Variants in CACNA1E observed in about 807,000 individuals in gnomAD.
The protein encoded by CACNA1E is voltage-dependent R-type calcium channel subunit alpha-1E.
In CACNA1E, 40 loss-of-function variants were observed where a neutral mutation model predicts 259.2. The observed-to-expected ratio is 0.15, with a 90% confidence interval of 0.12 to 0.20. The LOEUF (loss-of-function observed/expected upper bound fraction) is 0.20. Among genes scored for constraint, CACNA1E ranks in the 10% least tolerant of loss-of-function variants. The pLI is 1.00. For synonymous variants in CACNA1E, 1,104 were observed against 1,138.5 expected (o/e 0.97, Z 0.61); for missense variants, 1,874 against 3,040.1 (o/e 0.62, Z 9.02).
intron 6 of CACNA1E, among the ~76,000 whole-genome samples, chr1:181,605,613 A>G (rs540961554): frequency 2.6e-5 from 4 of 152,322 alleles, no homozygotes; most frequent in Admixed American, 2.6e-4. Flanking sequence ...GGGAGCAAGC[A>G]CAAATCGTAT....
intron 2 of CACNA1E, among the ~76,000 whole-genome samples, chr1:181,436,124 A>G (rs1248189701): frequency 6.6e-6 from 1 of 152,264 alleles, no homozygotes; most frequent in Non-Finnish European, 1.5e-5. Flanking sequence ...AAGATGCTCA[A>G]CATCACTAAT....
intron 7 of CACNA1E, among the ~76,000 whole-genome samples, chr1:181,654,700 T>C (rs1659045072): frequency 6.6e-6 from 1 of 152,150 alleles, no homozygotes; most frequent in African/African-American, 2.4e-5. Context: ...ATAAGATATC[T>C]TGGGCGGGGC....
chr1:181,617,277 G>A (rs1026674593), intron 6 of CACNA1E, among the ~76,000 whole-genome samples: 1 of 149,586 alleles, frequency 6.7e-6, no homozygotes, highest in East Asian at 1.9e-4. Context: ...TTTCTTATGA[G>A]CAGCATTTTT....
chr1:181,764,135 T>C (rs1658823979), intron 34 of CACNA1E, among the ~76,000 whole-genome samples: 3 of 152,198 alleles, frequency 2.0e-5, no homozygotes, highest in Admixed American at 1.3e-4. Context: ...CTGCACAGTC[T>C]CGTGGAGCTG....
rs117613682 is a variant in CACNA1E at position 181,617,485 on chromosome 1, C to T, written c.952-33853C>T. On this transcript the variant is annotated intron_variant, in intron 6 of 47. Coordinates refer to ENST00000367573, the MANE Select transcript of CACNA1E (RefSeq NM_001205293.3). ...TGAGTTTGTCCTGCAACAAGTGAAT[C>T]GGTGCAACTCCCTTGAGGACTTTTG... 7.6e-4 allele frequency among the ~76,000 whole-genome samples: 116 copies of T among 152,252 alleles called. No homozygotes were observed. In the East Asian group the frequency reaches 0.016, roughly 22 times the overall value.
intron 2 of CACNA1E, among the ~76,000 whole-genome samples, chr1:181,474,042 T>C (rs773876786): frequency 4.6e-5 from 7 of 152,206 alleles, no homozygotes; most frequent in South Asian, 2.1e-4. Flanking sequence ...GCATCACCTA[T>C]ACTTTTCTTT....
At chr1:181,574,594 A>G (rs1650758446) in intron 3 of CACNA1E, among the ~76,000 whole-genome samples, 1 of 152,232 alleles carries the variant, frequency 6.6e-6, no homozygotes. Context: ...TGCCTCCATT[A>G]GAAGTGTTTC....
Position 181,733,512 on chromosome 1 carries a change from G to A in CACNA1E, c.3024G>A (p.Leu1008=), listed in dbSNP as rs1185786303. ...ATGAGGCTGACACCCCCCTAGTCCTGCCCCATCCTGAGCTGGAAGTGGGGA... is the reference window on the plus strand; with the variant it reads ...ATGAGGCTGACACCCCCCTAGTCCTACCCCATCCTGAGCTGGAAGTGGGGA... The part of the protein sequence containing the change: ...GLDEADTPLV[L]PHPELEVGKH... Residue 1008 remains leucine, a synonymous_variant, in exon 21 of 48, where the codon CTG becomes CTA. Coordinates refer to ENST00000367573, the MANE Select transcript of CACNA1E (RefSeq NM_001205293.3). The A allele has an allele frequency of 6.2e-7, 1 of 1,607,878 alleles. No homozygotes were observed. The highest frequency in any genetic ancestry group is 8.5e-7 in the Non-Finnish European group (1 of 1,176,634).
rs763180598 is a variant in CACNA1E at position 181,483,767 on chromosome 1, T to C, written c.23T>C (p.Val8Ala). 27 of 1,608,988 alleles carry C rather than the reference T, an allele frequency of 1.7e-5. No homozygotes were observed. In the South Asian group the frequency reaches 2.9e-4, roughly 17 times the overall value. Reference sequence around the variant, plus strand: ...AGGATGGCTCGCTTCGGGGAGGCGGTGGTCGCCAGGCCAGGGTCCGGCGAT... The same window carrying C: ...AGGATGGCTCGCTTCGGGGAGGCGGCGGTCGCCAGGCCAGGGTCCGGCGAT... MARFGEA[V>A]VARPGSGDGD... Residue 8 changes from valine to alanine, a missense_variant, in exon 1 of 48, where the codon GTG (valine) becomes GCG (alanine). Physicochemically the swap from Val to Ala is moderately conservative, Grantham distance 64. Transcript: ENST00000367573.
chr1:181,724,432 G>T (rs761383425), intron 16 of CACNA1E, 38 bp from the exon 17 acceptor site: 1 of 1,574,132 alleles, frequency 6.4e-7, no homozygotes, highest in Admixed American at 1.7e-5. Context: ...GAAGACTTTT[G>T]CTTTTCTTAT....
At chr1:181,505,576 G>A (rs368845181) in intron 1 of CACNA1E, among the ~76,000 whole-genome samples, 6 of 151,972 alleles carry the variant, frequency 3.9e-5, no homozygotes, top group South Asian at 2.1e-4. Context: ...GGGTTTCACC[G>A]TGTTAGCCAG....
intron 1 of CACNA1E, among the ~76,000 whole-genome samples, chr1:181,495,315 A>G (rs1287657794): frequency 6.6e-6 from 1 of 152,228 alleles, no homozygotes; most frequent in Non-Finnish European, 1.5e-5. Context: ...TTCAAATCTC[A>G]GTATCACCTC....
chr1:181,702,699 C>T lies in CACNA1E; in HGVS notation c.1056-8255C>T, dbSNP rs567464528. Among the ~76,000 whole-genome samples, 64 of 152,244 alleles carry T rather than the reference C, an allele frequency of 4.2e-4. 1 individual carries two copies. The highest frequency in any genetic ancestry group is 1.5e-3 in the African/African-American group (64 of 41,552). ...TGCCCCACAGCTTTGCCCTGGTCATCACCTCTGCCTGGAATCCTCCTCCCC... is the reference window on the plus strand; with the variant it reads ...TGCCCCACAGCTTTGCCCTGGTCATTACCTCTGCCTGGAATCCTCCTCCCC... On this transcript the variant is annotated intron_variant, in intron 7 of 47. Transcript: ENST00000367573.
At chr1:181,619,473 A>C (rs1047281977) in intron 6 of CACNA1E, among the ~76,000 whole-genome samples, 1 of 152,172 alleles carries the variant, frequency 6.6e-6, no homozygotes, top group African/African-American at 2.4e-5. Flanking sequence ...TGAGACTTTG[A>C]CTTTAACTTG....
intron 3 of CACNA1E, among the ~76,000 whole-genome samples, chr1:181,545,075 G>A (rs991551897): frequency 6.6e-6 from 1 of 152,014 alleles, no homozygotes; most frequent in Non-Finnish European, 1.5e-5. Flanking sequence ...GTGGCTCATG[G>A]ACCACGGTAA....
intron 25 of CACNA1E, among the ~76,000 whole-genome samples, chr1:181,741,785 C>A (rs1198508529): frequency 6.6e-6 from 1 of 152,158 alleles, no homozygotes; most frequent in Non-Finnish European, 1.5e-5. Context: ...GCGCTGGTGG[C>A]AGGGGAAGCC....
At chr1:181,714,644 A>T (rs1162764934) in intron 8 of CACNA1E, among the ~76,000 whole-genome samples, 1 of 152,164 alleles carries the variant, frequency 6.6e-6, no homozygotes, top group East Asian at 1.9e-4. Context: ...CTCCTCCATG[A>T]GTCATTTCAT....
chr1:181,589,413 TG>T (rs1462901425), intron 6 of CACNA1E, among the ~76,000 whole-genome samples: 1 of 152,228 alleles, frequency 6.6e-6, no homozygotes, highest in Non-Finnish European at 1.5e-5. Flanking sequence ...AGTTAATTTA[TG>T]GACTTAGGTC....
At chr1:181,739,362 T>C in intron 25 of CACNA1E, 109 bp downstream of exon 25, 1 of 790,930 alleles carries the variant, frequency 1.3e-6, no homozygotes, top group Non-Finnish European at 2.2e-6. Flanking sequence ...TGCCAAAGAA[T>C]GCCCCCGCTG....
Sources: gnomAD v4.1 joint callset for allele counts (sites outside exome capture counted in the v4.1 genomes callset) on GRCh38, gnomAD v4.1.1 for gene constraint, MANE v1.5 for transcripts, NCBI Gene and HGNC (gene_info 2026-07-23, HGNC 2026-07-21) for gene names.